Variants in CRTAC1 observed in about 807,000 individuals in gnomAD.
The protein encoded by CRTAC1 is cartilage acidic protein 1.
A neutral mutation model predicts 67.8 loss-of-function variants in CRTAC1; 37 were observed. That is an observed-to-expected ratio of 0.55 (90% CI 0.42 to 0.72). CRTAC1 has a LOEUF of 0.72. Among genes scored for constraint, CRTAC1 ranks in the 30% least tolerant of loss-of-function variants. CRTAC1 has a pLI of 0.00. For missense variants in CRTAC1, 780 were observed against 931.6 expected (o/e 0.84, Z 2.12); for synonymous variants, 348 against 371.0 (o/e 0.94, Z 0.71).
chr10:97,887,025 CAAGTT>C (rs1564878290), intron 11 of CRTAC1, among the ~76,000 whole-genome samples: 1 of 151,642 alleles, frequency 6.6e-6, no homozygotes, highest in East Asian at 1.9e-4. Context: ...GTACAGTTCC[CAAGTT>C]AAGTGGCACA....
intron 2 of CRTAC1, among the ~76,000 whole-genome samples, chr10:98,008,319 T>C (rs1424494130): frequency 1.3e-5 from 2 of 151,778 alleles, no homozygotes; most frequent in East Asian, 3.9e-4. Context: ...TGAAGTATGC[T>C]GTAAGAGGCT....
At chr10:97,917,448 G>A in intron 5 of CRTAC1, 52 bp downstream of exon 5, 1 of 1,387,442 alleles carries the variant, frequency 7.2e-7, no homozygotes, top group Non-Finnish European at 9.5e-7. Flanking sequence ...CAGGGCCCTG[G>A]CCCCCAGCCC....
chr10:97,943,226 G>A (rs1373550035), intron 2 of CRTAC1, among the ~76,000 whole-genome samples: 1 of 152,008 alleles, frequency 6.6e-6, no homozygotes, highest in Admixed American at 6.6e-5. Flanking sequence ...TGGAAATGAG[G>A]AAATATACAA....
At chr10:97,878,559 T>C in intron 14 of CRTAC1, 1 of 1,263,332 alleles carries the variant, frequency 7.9e-7, no homozygotes, top group Non-Finnish European at 1.0e-6. Flanking sequence ...CTATGTTTTA[T>C]AACAAGCCTT....
At chr10:97,929,273 G>C (rs1315156899) in intron 3 of CRTAC1, among the ~76,000 whole-genome samples, 4 of 152,138 alleles carry the variant, frequency 2.6e-5, no homozygotes, top group Admixed American at 1.3e-4. Flanking sequence ...GGAAAGACCA[G>C]GCCATAAACA....
chr10:97,961,263 C>T (rs1590241198), intron 2 of CRTAC1, among the ~76,000 whole-genome samples: 1 of 152,050 alleles, frequency 6.6e-6, no homozygotes. Flanking sequence ...TCTTCTTTCT[C>T]TCTTAACAAC....
At chr10:97,958,730 C>T (rs2051479107) in intron 2 of CRTAC1, among the ~76,000 whole-genome samples, 1 of 152,134 alleles carries the variant, frequency 6.6e-6, no homozygotes, top group East Asian at 1.9e-4. Context: ...GTTATAATGG[C>T]CACAGCCAAC....
chr10:97,926,519 G>A (rs2050921952), intron 3 of CRTAC1, among the ~76,000 whole-genome samples: 1 of 152,124 alleles, frequency 6.6e-6, no homozygotes, highest in South Asian at 2.1e-4. Flanking sequence ...ACTTTGGAAA[G>A]GTAACACAGT....
chr10:97,924,012 G>A (rs1381857624), intron 3 of CRTAC1, among the ~76,000 whole-genome samples: 1 of 152,162 alleles, frequency 6.6e-6, no homozygotes, highest in African/African-American at 2.4e-5. Context: ...GCCCCAGAAG[G>A]CAGTGGTTTT....
At chr10:97,872,690 A>G (rs1253338887) in intron 14 of CRTAC1, among the ~76,000 whole-genome samples, 1 of 152,202 alleles carries the variant, frequency 6.6e-6, no homozygotes, top group Non-Finnish European at 1.5e-5. Context: ...CTGATAGATC[A>G]GAGATGAGCG....
At chr10:97,951,659 C>G (rs1263823767) in intron 2 of CRTAC1, among the ~76,000 whole-genome samples, 2 of 152,166 alleles carry the variant, frequency 1.3e-5, no homozygotes, top group Non-Finnish European at 2.9e-5. Flanking sequence ...ACCTGACTGC[C>G]AGTTAAGATA....
In CRTAC1 at chr10:97,882,795, G is replaced by A; in HGVS notation, c.1666C>T (p.His556Tyr). The A allele has an allele frequency of 6.2e-7, 1 of 1,614,194 alleles. No homozygotes were observed. Residue 556 changes from histidine (H) to tyrosine (Y), a missense_variant, in exon 13 of 15, where the codon CAT (histidine) becomes TAT (tyrosine). His to Tyr is a moderately conservative substitution (Grantham distance 83). Coordinates refer to ENST00000370597, the MANE Select transcript of CRTAC1 (RefSeq NM_018058.7). ...GQGFSQQENG[H>Y]CMDTNECIQF... Reference sequence around the variant, plus strand: ...ACTGAAGGCAACTCACCCATGCAATGGCCATTTTCCTGCTGGGAGAATCCT... The same window carrying A: ...ACTGAAGGCAACTCACCCATGCAATAGCCATTTTCCTGCTGGGAGAATCCT...
chr10:97,948,888 T>C (rs2051306383), intron 2 of CRTAC1, among the ~76,000 whole-genome samples: 1 of 150,028 alleles, frequency 6.7e-6, no homozygotes, highest in African/African-American at 2.4e-5. Context: ...GAGAGATAAG[T>C]GCAGAGCAAG....
rs536529182 is a variant in CRTAC1 at position 97,878,716 on chromosome 10, G to A, written c.1819+1533C>T. 4.7e-5 allele frequency: 61 copies of A among 1,303,480 alleles called. No individual in the cohort carries two copies. In the African/African-American group the frequency reaches 8.5e-4, roughly 18 times the overall value. The allele number at this position is 1,303,480 out of a possible 1,614,324, so 80.7% of individuals were successfully genotyped here. The stretch of plus-strand genomic sequence containing the variant: ...TAGAAATCAGAGTAACCTGAGATGA[G>A]CCAGGCCTATGTCCAGCCAGACATT... On this transcript the variant is annotated intron_variant, in intron 14 of 14. Coordinates refer to ENST00000370597, the MANE Select transcript of CRTAC1 (RefSeq NM_018058.7).
At position 97,879,606 on chromosome 10, in the gene CRTAC1, G is replaced by A; in HGVS notation, c.1819+643C>T. ...AGAACCTACTGGGCGTGGAGAGAGA[G>A]ACAAGCAGCAGGAGAGAGATTTAGT... On this transcript the variant is annotated intron_variant, in intron 14 of 14. Coordinates refer to ENST00000370597, the MANE Select transcript of CRTAC1 (RefSeq NM_018058.7). 2.0e-6 allele frequency: 3 copies of A among 1,499,276 alleles called. No individual in the cohort carries two copies. In the East Asian group the frequency reaches 7.4e-5, roughly 37 times the overall value. The allele number at this position is 1,499,276 out of a possible 1,614,324, so 92.9% of individuals were successfully genotyped here.
chr10:97,885,585 C>T (rs990429126), intron 11 of CRTAC1, among the ~76,000 whole-genome samples: 2 of 152,160 alleles, frequency 1.3e-5, no homozygotes, highest in Admixed American at 6.5e-5. Flanking sequence ...CCCAGCTCCC[C>T]GCGTAAGGAA....
intron 7 of CRTAC1, 110 bp downstream of exon 7, chr10:97,904,559 A>G (rs927080815): frequency 2.1e-5 from 22 of 1,030,258 alleles, no homozygotes; most frequent in Non-Finnish European, 2.7e-5. Context: ...AGCTGGGATT[A>G]TAGGCACGCA....
intron 2 of CRTAC1, among the ~76,000 whole-genome samples, chr10:97,989,746 T>C (rs1842400980): frequency 6.6e-6 from 1 of 152,232 alleles, no homozygotes; most frequent in Admixed American, 6.5e-5. Context: ...CTCTACTTTA[T>C]AGATGAGAAA....
At chr10:97,984,089 G>T (rs2051941849) in intron 2 of CRTAC1, among the ~76,000 whole-genome samples, 1 of 152,180 alleles carries the variant, frequency 6.6e-6, no homozygotes, top group Admixed American at 6.5e-5. Flanking sequence ...AACAGCCACT[G>T]CTTGTTAAAC....
Sources: gnomAD v4.1 joint callset for allele counts (sites outside exome capture counted in the v4.1 genomes callset) on GRCh38, gnomAD v4.1.1 for gene constraint, MANE v1.5 for transcripts, NCBI Gene and HGNC (gene_info 2026-07-23, HGNC 2026-07-21) for gene names.